SH3D19: variants seen among roughly 807,000 people sequenced by gnomAD.
The protein encoded by SH3D19 is SH3 domain-containing protein 19.
In SH3D19, 58 loss-of-function variants were observed where a neutral mutation model predicts 112.1. The observed-to-expected ratio is 0.52, with a 90% CI of 0.42 to 0.64. SH3D19 has a LOEUF of 0.64. Ranked by LOEUF, SH3D19 falls within the 30% of genes least tolerant of loss-of-function variation. The probability of loss-of-function intolerance (pLI) is 0.00; values close to 1 mark genes in which losing one functional copy is unlikely to be tolerated. For missense variants in SH3D19, 1,090 were observed against 1,263.4 expected (o/e 0.86, Z 2.08); for synonymous variants, 391 against 448.5 (o/e 0.87, Z 1.62).
At chr4:151,322,505 A>AAAC (rs1358179035) in intron 1 of SH3D19, among the ~76,000 whole-genome samples, 1 of 151,850 alleles carries the variant, frequency 6.6e-6, no homozygotes, top group Non-Finnish European at 1.5e-5. Context: ...TCTGCCAAAA[A>AAAC]AAAAAAAAAA....
chr4:151,195,320 C>A (rs1192948311), intron 2 of SH3D19, among the ~76,000 whole-genome samples: 44 of 140,674 alleles, frequency 3.1e-4, no homozygotes, highest in African/African-American at 1.2e-3. Flanking sequence ...TGCAGTGAGC[C>A]CAGATCGCCC....
At chr4:151,201,906 A>T (rs1009971338) in intron 2 of SH3D19, among the ~76,000 whole-genome samples, 1 of 151,548 alleles carries the variant, frequency 6.6e-6, no homozygotes, top group Admixed American at 6.6e-5. Context: ...CAGATAATGG[A>T]GAGGTTGAGA....
intron 11 of SH3D19, among the ~76,000 whole-genome samples, chr4:151,146,406 C>T (rs1174287413): frequency 6.6e-6 from 1 of 152,096 alleles, no homozygotes; most frequent in Non-Finnish European, 1.5e-5. Flanking sequence ...AAGCAGTTGG[C>T]TTCCCAAAGT....
intron 9 of SH3D19, among the ~76,000 whole-genome samples, chr4:151,158,388 C>A (rs1353932573): frequency 7.9e-5 from 12 of 152,232 alleles, no homozygotes; most frequent in African/African-American, 2.6e-4. Context: ...CAACCTCTGT[C>A]TCCCGGGTTC....
intron 1 of SH3D19, chr4:151,279,838 AG>A: frequency 1.9e-6 from 3 of 1,613,026 alleles, no homozygotes; most frequent in Non-Finnish European, 2.5e-6. Flanking sequence ...GTAGGTGGCC[AG>A]GATGCTGCTG....
chr4:151,128,425 A>T, intron 17 of SH3D19, 69 bp from the exon 18 acceptor site: 4 of 1,385,128 alleles, frequency 2.9e-6, no homozygotes, highest in Non-Finnish European at 3.9e-6. Flanking sequence ...ACAAAGCTTA[A>T]AAAGTAGTGG....
chr4:151,287,113 G>C (rs1312327728), intron 1 of SH3D19, among the ~76,000 whole-genome samples: 3 of 151,756 alleles, frequency 2.0e-5, no homozygotes, highest in Admixed American at 6.6e-5. Context: ...GGCCGAGGCA[G>C]GCAGATCACC....
intron 1 of SH3D19, among the ~76,000 whole-genome samples, chr4:151,322,873 A>G (rs1195504030): frequency 1.3e-5 from 2 of 152,216 alleles, no homozygotes; most frequent in African/African-American, 4.8e-5. Context: ...TGATCTTAAA[A>G]AGGTAAAACT....
chr4:151,273,318 C>T (rs559529431), intron 1 of SH3D19, among the ~76,000 whole-genome samples: 2 of 152,146 alleles, frequency 1.3e-5, no homozygotes, highest in East Asian at 1.9e-4. Flanking sequence ...CAGCCAGGCA[C>T]GGTAGCTCAC....
intron 1 of SH3D19, chr4:151,291,026 G>A (rs1775280726): frequency 2.1e-6 from 2 of 947,682 alleles, no homozygotes; most frequent in Non-Finnish European, 1.6e-6. Flanking sequence ...TGGGTCTCAT[G>A]GCCCAGTTTT....
chr4:151,260,244 T>G (rs1310662982), intron 1 of SH3D19, among the ~76,000 whole-genome samples: 1 of 152,184 alleles, frequency 6.6e-6, no homozygotes, highest in Non-Finnish European at 1.5e-5. Context: ...CCATTTCCCT[T>G]GGTTTAAATG....
chr4:151,319,543 GC>G (rs769965267), intron 1 of SH3D19, among the ~76,000 whole-genome samples: 12 of 152,252 alleles, frequency 7.9e-5, no homozygotes, highest in South Asian at 2.1e-4. Context: ...AGTAGACAAA[GC>G]CACAGACTCT....
At chr4:151,187,827 A>G (rs1169451922) in intron 2 of SH3D19, among the ~76,000 whole-genome samples, 1 of 152,120 alleles carries the variant, frequency 6.6e-6, no homozygotes, top group Non-Finnish European at 1.5e-5. Flanking sequence ...TGAAATTCCT[A>G]TCTTCATATA....
chr4:151,264,897 C>T (rs867918714), intron 1 of SH3D19, among the ~76,000 whole-genome samples: 4 of 152,022 alleles, frequency 2.6e-5, no homozygotes, highest in Middle Eastern at 3.4e-3. Context: ...ATAATAGACA[C>T]AATGCTCTAC....
chr4:151,317,959 C>T (rs1730154728), intron 1 of SH3D19, among the ~76,000 whole-genome samples: 2 of 151,030 alleles, frequency 1.3e-5, no homozygotes. Flanking sequence ...CCACTGCACT[C>T]CAGCCTGGGC....
chr4:151,144,242 T>G, intron 11 of SH3D19, 192 bp from the exon 12 acceptor site: 1 of 1,613,956 alleles, frequency 6.2e-7, no homozygotes, highest in South Asian at 1.1e-5. Flanking sequence ...TTCTCCGGGG[T>G]TTTGAGAGAC....
chr4:151,245,187 T>C (rs1770850961), intron 1 of SH3D19, among the ~76,000 whole-genome samples: 1 of 151,930 alleles, frequency 6.6e-6, no homozygotes, highest in African/African-American at 2.4e-5. Flanking sequence ...ATAATTAAGT[T>C]GCTTAGGAGC....
rs145912426 is a variant in SH3D19 at position 151,317,840 on chromosome 4, G to A, written c.112+7401C>T. Reference sequence around the variant, plus strand: ...AATACAAAAATCAGCCAACGTGGTCGCAGGCACCTGTAATCCCAGCTACTT... The same window carrying A: ...AATACAAAAATCAGCCAACGTGGTCACAGGCACCTGTAATCCCAGCTACTT... On this transcript the variant is annotated intron_variant, in intron 1 of 19. Transcript: ENST00000604030. 7.0e-3 allele frequency among the ~76,000 whole-genome samples: 1,057 copies of A among 152,054 alleles called. 13 individuals are homozygous for A. The highest frequency in any genetic ancestry group is 0.024 in the African/African-American group (986 of 41,484).
Position 151,133,018 on chromosome 4 carries a change from A to C in SH3D19, c.2689+16T>G. Reference sequence around the variant, plus strand: ...AATTAGGACATAACATAATAAAAAAAATTCTCTATACTCACTTAAAACATT... The same window carrying C: ...AATTAGGACATAACATAATAAAAAACATTCTCTATACTCACTTAAAACATT... On this transcript the variant is annotated intron_variant, in intron 16 of 19. Transcript: ENST00000604030. The C allele has an allele frequency of 6.2e-7, 1 of 1,604,734 alleles. No individual in the cohort carries two copies. The highest frequency in any genetic ancestry group is 8.5e-7 in the Non-Finnish European group (1 of 1,174,746).
Sources: gnomAD v4.1 joint callset for allele counts (sites outside exome capture counted in the v4.1 genomes callset) on GRCh38, gnomAD v4.1.1 for gene constraint, MANE v1.5 for transcripts, NCBI Gene and HGNC (gene_info 2026-07-23, HGNC 2026-07-21) for gene names.